The following SUPT3H variants were observed in gnomAD, a reference collection of about 807,000 sequenced individuals.
The protein encoded by SUPT3H is SPT3 homolog, SAGA and STAGA complex component, also known as transcription initiation protein SPT3 homolog.
A neutral mutation model predicts 44.3 loss-of-function variants in SUPT3H; 44 were observed. The ratio of observed to expected loss-of-function variants is 0.99; its 90% CI spans 0.78 to 1.28. The LOEUF is 1.28. SUPT3H is among the 50% of genes most tolerant of loss of function. SUPT3H has a pLI of 0.00. For missense variants in SUPT3H, 380 were observed against 387.1 expected, an observed-to-expected ratio of 0.98 and a Z score of 0.15; for synonymous variants, 124 against 125.6, an observed-to-expected ratio of 0.99 and a Z score of 0.09.
At chr6:45,324,161 A>C (rs1349646839) in intron 2 of SUPT3H, among the ~76,000 whole-genome samples, 1 of 152,028 alleles carries the variant, frequency 6.6e-6, no homozygotes, top group African/African-American at 2.4e-5. Context: ...TGTTCTAATA[A>C]TTACAAGAAA....
intron 10 of SUPT3H, among the ~76,000 whole-genome samples, chr6:44,915,418 C>T (rs1180834926): frequency 6.6e-6 from 1 of 152,122 alleles, no homozygotes; most frequent in Non-Finnish European, 1.5e-5. Context: ...AACCAAAGAT[C>T]ATACTAGTTA....
intron 10 of SUPT3H, among the ~76,000 whole-genome samples, chr6:44,905,129 A>T (rs535826686): frequency 0.025 from 3,738 of 152,234 alleles, 166 homozygotes; most frequent in African/African-American, 0.084. Flanking sequence ...TCATGTCTAA[A>T]ACACCAAAAG....
chr6:45,259,111 G>A (rs1773905752), intron 2 of SUPT3H, among the ~76,000 whole-genome samples: 1 of 151,972 alleles, frequency 6.6e-6, no homozygotes, highest in Admixed American at 6.6e-5. Context: ...TAGTGTGTAT[G>A]CTCCAAAAAT....
At chr6:44,846,682 AGT>A (rs1771924269) in intron 10 of SUPT3H, among the ~76,000 whole-genome samples, 2 of 151,104 alleles carry the variant, frequency 1.3e-5, no homozygotes, top group African/African-American at 4.9e-5. Flanking sequence ...CTCAGGCTGG[AGT>A]GCAGTGGCGC....
chr6:45,105,959 A>C lies in SUPT3H; in HGVS notation c.149T>G (p.Leu50Trp). The C allele has an allele frequency of 6.2e-7, 1 of 1,613,864 alleles. No homozygotes were observed. The highest frequency in any genetic ancestry group is 8.5e-7 in the Non-Finnish European group (1 of 1,179,906). Residue 50 changes from leucine (L) to tryptophan (W), a missense_variant, in exon 3 of 11, where the codon TTG becomes TGG. Coordinates refer to ENST00000371459, the MANE Select transcript of SUPT3H (RefSeq NM_003599.4). ...CTGAGTGTGTACCACATCTTCTACC[A>C]AAACTGCTGTTTCATGAAGAGGCCT... is the stretch of plus-strand genomic sequence containing the variant. The part of the protein sequence containing the change: ...ARRPLHETAV[L>W]VEDVVHTQLI...
At chr6:45,251,872 C>G (rs953210959) in intron 2 of SUPT3H, among the ~76,000 whole-genome samples, 2 of 152,010 alleles carry the variant, frequency 1.3e-5, no homozygotes, top group Admixed American at 6.6e-5. Context: ...TAGATATGAA[C>G]TGTTCATAGT....
At chr6:44,919,147 C>A (rs575983) in intron 10 of SUPT3H, among the ~76,000 whole-genome samples, 18 of 152,200 alleles carry the variant, frequency 1.2e-4, no homozygotes, top group African/African-American at 4.1e-4. Context: ...GCTCTCATTA[C>A]GTTCCTTACA....
chr6:45,003,514 T>C, intron 6 of SUPT3H, 139 bp downstream of exon 6: 2 of 938,356 alleles, frequency 2.1e-6, no homozygotes, highest in Non-Finnish European at 3.1e-6. Flanking sequence ...GCTGATCCTC[T>C]GCACATCGCT....
At chr6:45,102,756 T>C (rs140054667) in intron 3 of SUPT3H, among the ~76,000 whole-genome samples, 181 of 151,984 alleles carry the variant, frequency 1.2e-3, no homozygotes, top group Non-Finnish European at 2.1e-3. Flanking sequence ...GCCTGGCCAA[T>C]ATGGTGAAAC....
At chr6:45,318,726 G>A (rs952352806) in intron 2 of SUPT3H, among the ~76,000 whole-genome samples, 1 of 151,886 alleles carries the variant, frequency 6.6e-6, no homozygotes, top group Non-Finnish European at 1.5e-5. Flanking sequence ...TCAAAAATAT[G>A]CCATCTTTAG....
chr6:45,006,579 A>G (rs1365435294), intron 5 of SUPT3H, among the ~76,000 whole-genome samples: 3 of 152,234 alleles, frequency 2.0e-5, no homozygotes, highest in Non-Finnish European at 4.4e-5. Flanking sequence ...TTAAAGTAAG[A>G]TATCAATTAT....
chr6:45,139,457 GCTCC>G (rs1273169095), intron 2 of SUPT3H, among the ~76,000 whole-genome samples: 2 of 152,166 alleles, frequency 1.3e-5, no homozygotes, highest in Admixed American at 6.5e-5. Context: ...ATGAGCTTTT[GCTCC>G]AAGAAGCACT....
chr6:44,816,373 A>G (rs1318255167), intron 11 of SUPT3H, among the ~76,000 whole-genome samples: 1 of 152,208 alleles, frequency 6.6e-6, no homozygotes, highest in Non-Finnish European at 1.5e-5. Context: ...GTTAACTTAG[A>G]TAAGGGACAA....
chr6:45,242,920 C>T (rs551679301), intron 2 of SUPT3H, among the ~76,000 whole-genome samples: 6 of 152,126 alleles, frequency 3.9e-5, no homozygotes, highest in Non-Finnish European at 5.9e-5. Flanking sequence ...TAAGGCTGGG[C>T]GTGGTGGCTC....
At chr6:45,274,854 T>C (rs1409143609) in intron 2 of SUPT3H, among the ~76,000 whole-genome samples, 1 of 152,148 alleles carries the variant, frequency 6.6e-6, no homozygotes, top group East Asian at 1.9e-4. Flanking sequence ...GTGGCCTGGG[T>C]GACAGAGCAA....
chr6:45,166,360 G>A (rs1004401737), intron 2 of SUPT3H, among the ~76,000 whole-genome samples: 3 of 152,198 alleles, frequency 2.0e-5, no homozygotes, highest in South Asian at 2.1e-4. Context: ...AGGCCAAGGC[G>A]GGAGGATCAC....
chr6:45,332,588 T>TCATG (rs1375357549), intron 2 of SUPT3H, among the ~76,000 whole-genome samples: 1 of 151,782 alleles, frequency 6.6e-6, no homozygotes, highest in Admixed American at 6.6e-5. Context: ...AATAGTGAAG[T>TCATG]CATGCAAAAG....
chr6:45,344,521 G>C (rs536719710), intron 2 of SUPT3H, among the ~76,000 whole-genome samples: 1 of 151,092 alleles, frequency 6.6e-6, no homozygotes, highest in East Asian at 1.9e-4. Context: ...ATTTTCCTTT[G>C]AACGTCTAGA....
At chr6:44,986,059 T>C (rs187497101) in intron 6 of SUPT3H, among the ~76,000 whole-genome samples, 1 of 152,332 alleles carries the variant, frequency 6.6e-6, no homozygotes, top group East Asian at 1.9e-4. Flanking sequence ...TATGTGATTC[T>C]GTTCAGAAAT....
Sources: allele counts gnomAD v4.1 joint callset (sites outside exome capture counted in the v4.1 genomes callset), GRCh38; gene constraint gnomAD v4.1.1; transcripts MANE v1.5; gene names NCBI Gene and HGNC (gene_info 2026-07-23, HGNC 2026-07-21).